Variants in UNC13B observed in about 807,000 individuals in gnomAD.
UNC13B encodes unc-13 homolog B, also known as protein unc-13 homolog B.
Under a neutral mutation model 211.0 loss-of-function variants are expected in UNC13B, and 144 were observed. The observed-to-expected ratio is 0.68, with a 90% CI of 0.60 to 0.78. The LOEUF is 0.78. Among genes scored for constraint, UNC13B ranks in the 30% least tolerant of loss-of-function variants. The probability of loss-of-function intolerance (pLI) is 0.00; values close to 1 mark genes in which losing one functional copy is unlikely to be tolerated. For missense variants in UNC13B, 1,777 were observed against 2,002.0 expected (o/e 0.89, Z 2.14); for synonymous variants, 709 against 725.8 (o/e 0.98, Z 0.37).
intron 8 of UNC13B, among the ~76,000 whole-genome samples, 181 bp from the exon 9 acceptor site, chr9:35,299,985 A>G (rs1431683012): frequency 6.6e-6 from 1 of 152,220 alleles, no homozygotes; most frequent in Non-Finnish European, 1.5e-5. Context: ...GAGTTTCTAG[A>G]AAATAATAAC....
At chr9:35,272,238 GTTTTTTTTGTTTTT>G (rs1827928903) in intron 7 of UNC13B, among the ~76,000 whole-genome samples, 1 of 134,586 alleles carries the variant, frequency 7.4e-6, no homozygotes, top group Non-Finnish European at 1.6e-5. Flanking sequence ...GTTTCATTTT[GTTTTTTTTGTTTTT>G]TTTTGTTTTT....
chr9:35,320,099 A>G (rs1478095510), intron 11 of UNC13B, among the ~76,000 whole-genome samples: 2 of 152,226 alleles, frequency 1.3e-5, no homozygotes, highest in Non-Finnish European at 2.9e-5. Flanking sequence ...ATAGTATTCC[A>G]TGATGCATAT....
intron 11 of UNC13B, chr9:35,351,168 G>A (rs1832695663): frequency 2.5e-6 from 1 of 399,736 alleles, no homozygotes; most frequent in Admixed American, 6.3e-5. Flanking sequence ...GGGGTTGGGA[G>A]GCAGGTCAGG....
intron 2 of UNC13B, among the ~76,000 whole-genome samples, chr9:35,229,871 C>T (rs1307784465): frequency 2.0e-5 from 3 of 152,172 alleles, no homozygotes; most frequent in Non-Finnish European, 4.4e-5. Context: ...TTTCTCATAT[C>T]TTCTGTAACA....
intron 11 of UNC13B, among the ~76,000 whole-genome samples, chr9:35,348,259 T>G (rs968198377): frequency 1.3e-5 from 2 of 152,196 alleles, no homozygotes; most frequent in African/African-American, 4.8e-5. Context: ...GAGGCTGGCC[T>G]TAGAAGACCT....
intron 2 of UNC13B, 44 bp downstream of exon 2, chr9:35,228,088 G>A (rs1284057018): frequency 1.3e-6 from 2 of 1,541,010 alleles, no homozygotes; most frequent in Non-Finnish European, 1.8e-6. Context: ...TGTATTTGCT[G>A]TTATTTCAAA....
chr9:35,286,533 G>C (rs758796747), intron 7 of UNC13B, among the ~76,000 whole-genome samples: 42 of 151,848 alleles, frequency 2.8e-4, no homozygotes, highest in Non-Finnish European at 6.2e-4. Context: ...TTTCCTTCAG[G>C]AAAGGGAGAG....
chr9:35,400,707 C>T (rs1314258443), intron 37 of UNC13B, among the ~76,000 whole-genome samples: 1 of 152,164 alleles, frequency 6.6e-6, no homozygotes, highest in Admixed American at 6.5e-5. Flanking sequence ...GTTTATTAAA[C>T]TCAAGGAATA....
intron 14 of UNC13B, 32 bp downstream of exon 14, chr9:35,375,233 T>C: frequency 6.2e-7 from 1 of 1,607,780 alleles, no homozygotes; most frequent in Non-Finnish European, 8.5e-7. Flanking sequence ...GTAAGTCCAC[T>C]GGCCTCAGGA....
intron 7 of UNC13B, among the ~76,000 whole-genome samples, chr9:35,285,359 T>C (rs998883861): frequency 6.6e-6 from 1 of 152,244 alleles, no homozygotes; most frequent in African/African-American, 2.4e-5. Context: ...AAAAGCCCTT[T>C]GAATTAGAAT....
At chr9:35,349,855 T>C (rs1053748543) in intron 11 of UNC13B, among the ~76,000 whole-genome samples, 2 of 152,230 alleles carry the variant, frequency 1.3e-5, no homozygotes, top group African/African-American at 4.8e-5. Flanking sequence ...GGTGGTGGCC[T>C]TTCCTGAAAA....
rs999097345 is a variant in UNC13B at position 35,402,140 on chromosome 9, G to A, written c.12485-1027G>A. On this transcript the variant is annotated intron_variant, in intron 37 of 39. Transcript: ENST00000635942. ...TAGGAGCTCTATCTCAAGTCTTAGAGATGGGTAATGCCTTCATATAGCCCA... is the reference window on the plus strand; with the variant it reads ...TAGGAGCTCTATCTCAAGTCTTAGAAATGGGTAATGCCTTCATATAGCCCA... The A allele has an allele frequency of 1.2e-4, 90 of 769,620 alleles. 1 individual carries two copies. The East Asian group carries it at 2.5e-3, about 21-fold the overall frequency. 47.7% of individuals were successfully genotyped at this position (769,620 alleles called of 1,614,324 possible).
At chr9:35,341,066 A>G (rs563944075) in intron 11 of UNC13B, among the ~76,000 whole-genome samples, 1 of 152,318 alleles carries the variant, frequency 6.6e-6, no homozygotes, top group South Asian at 2.1e-4. Context: ...TCCATTGGCA[A>G]AGAAGGGTTA....
chr9:35,226,737 C>A (rs1173492432), intron 1 of UNC13B, among the ~76,000 whole-genome samples: 1 of 152,196 alleles, frequency 6.6e-6, no homozygotes, highest in African/African-American at 2.4e-5. Flanking sequence ...TGCTTTTATC[C>A]TAGTTGTGCT....
chr9:35,306,195 C>T lies in UNC13B; in HGVS notation c.6791C>T (p.Ser2264Phe). The change falls in exon 9 of 40, where the codon TCC (serine) becomes TTC (phenylalanine). Residue 2264 changes from serine to phenylalanine, a missense_variant. Physicochemically the swap from Ser to Phe is radical, Grantham distance 155 (BLOSUM62 -2). Coordinates refer to ENST00000635942, the MANE Select transcript of UNC13B (RefSeq NM_001371189.2). Reference sequence around the variant, plus strand: ...GGTAGCACAATGACCAGAGAAAGTTCCAGTGGTCATAGAGATAGCATAGCC... The same window carrying T: ...GGTAGCACAATGACCAGAGAAAGTTTCAGTGGTCATAGAGATAGCATAGCC... ...ESGSTMTRES[S>F]SGHRDSIAQE... is the part of the protein sequence containing the mutation. The T allele has an allele frequency of 2.5e-6, 1 of 399,018 alleles. No individual in the cohort carries two copies. Among genetic ancestry groups the T allele is most frequent in the Non-Finnish European group, 4.4e-6 (1 of 226,058 alleles). 24.7% of individuals were successfully genotyped at this position (399,018 alleles called of 1,614,324 possible).
Position 35,370,347 on chromosome 9 carries a change from G to A in UNC13B, c.9491G>A (p.Ser3164Asn), listed in dbSNP as rs1834036386. The change falls in exon 13 of 40, where the codon AGC becomes AAC. Residue 3164 changes from serine to asparagine, a missense_variant. Transcript: ENST00000635942. ...GCCGGAGGGCTCTATGGCATTGACA[G>A]CATGCCAGATTTACGCAGAAAGAAG... ...GPAGGLYGID[S>N]MPDLRRKKPL... The A allele has an allele frequency of 1.9e-6, 3 of 1,613,926 alleles. No individual in the cohort carries two copies. Among genetic ancestry groups the A allele is most frequent in the African/African-American group, 1.3e-5 (1 of 75,064 alleles).
intron 11 of UNC13B, among the ~76,000 whole-genome samples, chr9:35,336,213 A>G (rs1831646266): frequency 6.6e-6 from 1 of 152,064 alleles, no homozygotes; most frequent in South Asian, 2.1e-4. Flanking sequence ...GGATATTGTC[A>G]CCTGAATGTT....
chr9:35,297,496 C>G (rs1206270221), intron 8 of UNC13B, among the ~76,000 whole-genome samples: 2 of 149,882 alleles, frequency 1.3e-5, no homozygotes, highest in Non-Finnish European at 3.0e-5. Context: ...ACGTTTTTGG[C>G]AAAAATGCTG....
chr9:35,251,154 CAG>C (rs1826455047), intron 6 of UNC13B, among the ~76,000 whole-genome samples: 1 of 151,912 alleles, frequency 6.6e-6, no homozygotes, highest in South Asian at 2.1e-4. Flanking sequence ...TTAGTAGAGA[CAG>C]GGTTTCACCG....
Sources: allele counts gnomAD v4.1 joint callset (sites outside exome capture counted in the v4.1 genomes callset), GRCh38; gene constraint gnomAD v4.1.1; transcripts MANE v1.5; gene names NCBI Gene and HGNC (gene_info 2026-07-23, HGNC 2026-07-21).